The following GTF3C1 variants were observed in gnomAD, a reference collection of about 807,000 sequenced individuals.
The protein encoded by GTF3C1 is general transcription factor 3C polypeptide 1.
In GTF3C1, 57 loss-of-function variants were observed where a neutral mutation model predicts 226.7. The ratio of observed to expected loss-of-function variants is 0.25; its 90% CI spans 0.20 to 0.31. The LOEUF (loss-of-function observed/expected upper bound fraction) is 0.31. Among genes scored for constraint, GTF3C1 ranks in the 10% least tolerant of loss-of-function variants. The probability of loss-of-function intolerance (pLI) is 1.00; values close to 1 mark genes in which losing one functional copy is unlikely to be tolerated. For missense variants in GTF3C1, 2,217 were observed against 2,776.1 expected (o/e 0.80, Z 4.53); for synonymous variants, 1,090 against 1,084.8 (o/e 1.00, Z -0.09).
At chr16:27,526,514 C>G (rs1271366068) in intron 6 of GTF3C1, among the ~76,000 whole-genome samples, 3 of 152,250 alleles carry the variant, frequency 2.0e-5, no homozygotes, top group Non-Finnish European at 4.4e-5. Flanking sequence ...TTAACCAATT[C>G]TCTTGTTTCT....
chr16:27,483,236 T>C (rs1411805597), intron 25 of GTF3C1, 111 bp from the exon 26 acceptor site: 2 of 1,009,438 alleles, frequency 2.0e-6, no homozygotes, highest in Non-Finnish European at 3.1e-6. Context: ...CCTTGAAGCA[T>C]GAGTTACTTA....
At chr16:27,544,803 A>AGCTC (rs2089138902) in intron 2 of GTF3C1, among the ~76,000 whole-genome samples, 1 of 152,180 alleles carries the variant, frequency 6.6e-6, no homozygotes, top group Non-Finnish European at 1.5e-5. Flanking sequence ...CTGTGAGCAC[A>AGCTC]AAGGAAAGAG....
rs770155439 is a variant in GTF3C1 at position 27,489,607 on chromosome 16, G to A, written c.3288C>T (p.Tyr1096=). The change falls in exon 20 of 37, where the codon TAC becomes TAT. Residue 1096 remains tyrosine, a synonymous_variant. Coordinates refer to ENST00000356183, the MANE Select transcript of GTF3C1 (RefSeq NM_001520.4). ...NLERKCAMLE[Y]TTGSREVVDE... is the part of the protein sequence containing the mutation. ...CGCTTGGGACGGACACGCACGTGGT[G>A]TACTCCAGCATGGCGCACTTGCGCT... The A allele has an allele frequency of 6.5e-5, 104 of 1,606,876 alleles. No homozygotes were observed. The highest frequency in any genetic ancestry group is 8.6e-5 in the Non-Finnish European group (101 of 1,178,030).
Position 27,545,540 on chromosome 16 carries a change from A to G in GTF3C1, c.222-17T>C, listed in dbSNP as rs781032228. Reference sequence around the variant, plus strand: ...TCTTCATACCTAAGGAGAAAAACACAAATATCAAAGCCCAACTCAGCTTCA... The same window carrying G: ...TCTTCATACCTAAGGAGAAAAACACGAATATCAAAGCCCAACTCAGCTTCA... On this transcript the variant is annotated splice_polypyrimidine_tract_variant and intron_variant, in intron 1 of 36. Coordinates refer to ENST00000356183, the MANE Select transcript of GTF3C1 (RefSeq NM_001520.4). The G allele has an allele frequency of 6.9e-6, 10 of 1,452,730 alleles. No homozygotes were observed. The African/African-American group carries it at 1.3e-4, about 18-fold the overall frequency. The allele number at this position is 1,452,730 out of a possible 1,614,324, so 90.0% of individuals were successfully genotyped here.
In GTF3C1 at chr16:27,463,498, A is replaced by G. The variant is rs530365455; in HGVS notation, c.5924+43T>C. On this transcript the variant is annotated intron_variant, in intron 35 of 36. Coordinates refer to ENST00000356183, the MANE Select transcript of GTF3C1 (RefSeq NM_001520.4). This position sits in a 1 kb window ranked among gnomAD's most constrained non-coding sequence, Gnocchi z 4.9. ...CAAATCCTTACACTCGGTCCCTGTC[A>G]AGAGCCCCGCCCCAGGCCCCGGAGC... The G allele has an allele frequency of 1.3e-5, 15 of 1,174,470 alleles. No homozygotes were observed. Among genetic ancestry groups the G allele is most frequent in the Non-Finnish European group, 1.9e-5 (15 of 781,670 alleles). The allele number at this position is 1,174,470 out of a possible 1,614,324, so 72.8% of individuals were successfully genotyped here.
At chr16:27,534,237 T>C (rs1304340926) in intron 4 of GTF3C1, among the ~76,000 whole-genome samples, 3 of 152,212 alleles carry the variant, frequency 2.0e-5, no homozygotes. Flanking sequence ...GCGGATGTCA[T>C]GATCAATGCT....
intron 10 of GTF3C1, among the ~76,000 whole-genome samples, chr16:27,503,196 G>T (rs2088434130): frequency 6.6e-6 from 1 of 152,178 alleles, no homozygotes. Context: ...ACATTGGCCA[G>T]CAGAGGACCC....
At chr16:27,482,012 C>T (rs2088056603) in intron 26 of GTF3C1, among the ~76,000 whole-genome samples, 1 of 152,240 alleles carries the variant, frequency 6.6e-6, no homozygotes, top group Non-Finnish European at 1.5e-5. Context: ...TTAAGCCACT[C>T]ATGGCAGCCT....
At chr16:27,465,214 C>T (rs770708469) in intron 33 of GTF3C1, 46 bp downstream of exon 33, 284 of 1,586,070 alleles carry the variant, frequency 1.8e-4, no homozygotes, top group Non-Finnish European at 2.4e-4. Context: ...CTGGGAGCTG[C>T]AATTTCCGCT....
At chr16:27,499,485 G>A (rs1457007816) in intron 12 of GTF3C1, among the ~76,000 whole-genome samples, 2 of 152,186 alleles carry the variant, frequency 1.3e-5, no homozygotes, top group Non-Finnish European at 2.9e-5. Flanking sequence ...GGACAGCAAG[G>A]TCAGGCTGTC....
Position 27,516,139 on chromosome 16 carries a change from C to A in GTF3C1, c.974-4238G>T, listed in dbSNP as rs148761519. Reference sequence around the variant, plus strand: ...GTGGCATTCAAGGTGGCGGGCCCCCCCTTATTGTGAGATAAGCCCCAAAGC... The same window carrying A: ...GTGGCATTCAAGGTGGCGGGCCCCCACTTATTGTGAGATAAGCCCCAAAGC... On this transcript the variant is annotated intron_variant, in intron 6 of 36. Coordinates refer to ENST00000356183, the MANE Select transcript of GTF3C1 (RefSeq NM_001520.4). Among the ~76,000 whole-genome samples the A allele has an allele frequency of 2.6e-5, 4 of 152,210 alleles. No homozygotes were observed. In the East Asian group the frequency reaches 5.8e-4, roughly 22 times the overall value.
At chr16:27,495,167 T>C (rs766558276) in intron 15 of GTF3C1, 44 bp downstream of exon 15, 3 of 1,468,428 alleles carry the variant, frequency 2.0e-6, no homozygotes, top group Non-Finnish European at 2.8e-6. Context: ...ATCCTACTAC[T>C]GGGCCTGCCC....
chr16:27,503,929 T>A (rs979780731), intron 10 of GTF3C1, among the ~76,000 whole-genome samples: 1 of 152,280 alleles, frequency 6.6e-6, no homozygotes, highest in Admixed American at 6.5e-5. Context: ...CCCAGCCCAC[T>A]TCCCTGCCCA....
rs2087712929 is a variant in GTF3C1 at position 27,462,028 on chromosome 16, T to C, written c.6117+266A>G. On this transcript the variant is annotated intron_variant, in intron 36 of 36. Transcript: ENST00000356183. This position sits in a 1 kb window ranked among gnomAD's most constrained non-coding sequence, Gnocchi z 4.5. ...GCTTGACCCGTGGGGCCCGGCGGAC[T>C]CATGAGTTAGTGACCCCTGGCACAG... 4.1e-6 allele frequency: 2 copies of C among 486,900 alleles called. No homozygotes were observed. The highest frequency in any genetic ancestry group is 1.9e-5 in the African/African-American group (1 of 52,130). 30.2% of individuals were successfully genotyped at this position (486,900 alleles called of 1,614,324 possible). A position where few individuals can be genotyped will look rare whatever the true frequency, so the allele number is the denominator to read the frequency against.
chr16:27,496,894 T>C (rs914505448), intron 14 of GTF3C1, among the ~76,000 whole-genome samples: 2 of 152,224 alleles, frequency 1.3e-5, no homozygotes, highest in Non-Finnish European at 2.9e-5. Context: ...TGCTGTCTAG[T>C]TGCATGCACT....
intron 11 of GTF3C1, among the ~76,000 whole-genome samples, chr16:27,501,800 A>G (rs747304348): frequency 3.9e-5 from 6 of 152,224 alleles, no homozygotes; most frequent in Non-Finnish European, 8.8e-5. Context: ...TTTCCAGATC[A>G]CTGATCATAG....
At chr16:27,486,236 C>T (rs186277800) in intron 23 of GTF3C1, 82 bp from the exon 24 acceptor site, 1 of 741,758 alleles carries the variant, frequency 1.3e-6, no homozygotes. Context: ...AGGTTCCCTA[C>T]CCAGCCAGTG....
At chr16:27,483,415 A>G (rs781655826) in intron 25 of GTF3C1, 6 of 562,624 alleles carry the variant, frequency 1.1e-5, no homozygotes, top group Non-Finnish European at 2.0e-5. Flanking sequence ...GGGTTTGTCC[A>G]GGACCATATG....
intron 7 of GTF3C1, among the ~76,000 whole-genome samples, chr16:27,511,308 G>C (rs1219486945): frequency 1.3e-5 from 2 of 152,206 alleles, no homozygotes; most frequent in African/African-American, 4.8e-5. Flanking sequence ...CAGAACTCCA[G>C]GCTCTCCAGC....
Sources: gnomAD v4.1 joint callset for allele counts (sites outside exome capture counted in the v4.1 genomes callset) on GRCh38, gnomAD v4.1.1 for gene constraint, Gnocchi (gnomAD v3.1) non-coding constraint, MANE v1.5 for transcripts, NCBI Gene and HGNC (gene_info 2026-07-23, HGNC 2026-07-21) for gene names.